Variants in PTPRG observed in about 807,000 individuals in gnomAD.
The protein encoded by PTPRG is receptor-type tyrosine-protein phosphatase gamma.
PTPRG carries 102 observed loss-of-function variants against 165.3 expected under a neutral mutation model. The observed-to-expected ratio is 0.62, with a 90% CI of 0.53 to 0.73. PTPRG has a LOEUF of 0.73. PTPRG is among the 30% of genes least tolerant of loss of function. The pLI is 0.00. For synonymous variants in PTPRG, 675 were observed against 669.5 expected, an observed-to-expected ratio of 1.01 and a Z score of -0.13; for missense variants, 1,866 against 1,861.4, an observed-to-expected ratio of 1.00 and a Z score of -0.05.
intron 5 of PTPRG, among the ~76,000 whole-genome samples, chr3:62,086,497 C>G (rs533643019): frequency 4.6e-5 from 7 of 152,266 alleles, no homozygotes; most frequent in Middle Eastern, 3.4e-3. Context: ...CCTTCTTAGA[C>G]TGCTTTACAA....
intron 1 of PTPRG, among the ~76,000 whole-genome samples, chr3:61,656,657 G>T (rs538757762): frequency 1.3e-5 from 2 of 152,354 alleles, no homozygotes; most frequent in Admixed American, 6.5e-5. Flanking sequence ...TGATGGGTCT[G>T]TTGGGATTCT....
At chr3:61,849,576 G>T (rs1431769012) in intron 2 of PTPRG, among the ~76,000 whole-genome samples, 1 of 152,198 alleles carries the variant, frequency 6.6e-6, no homozygotes, top group Non-Finnish European at 1.5e-5. Context: ...ATTAGTGAGA[G>T]AATGTGATGA....
intron 6 of PTPRG, among the ~76,000 whole-genome samples, chr3:62,137,047 G>A (rs1703735766): frequency 6.6e-6 from 1 of 152,174 alleles, no homozygotes. Context: ...AATATAAATA[G>A]AATGGAGTGA....
intron 2 of PTPRG, among the ~76,000 whole-genome samples, chr3:61,861,601 A>G (rs1253080136): frequency 6.6e-6 from 1 of 152,212 alleles, no homozygotes. Flanking sequence ...GCTATTGGCA[A>G]AGTAATTTTC....
intron 2 of PTPRG, among the ~76,000 whole-genome samples, chr3:61,835,860 G>A (rs542270551): frequency 1.3e-5 from 2 of 151,650 alleles, no homozygotes; most frequent in South Asian, 4.2e-4. Flanking sequence ...GGGCAACATG[G>A]TGAAACCCCA....
chr3:61,787,051 C>T (rs1284311226), intron 2 of PTPRG, among the ~76,000 whole-genome samples: 2 of 152,026 alleles, frequency 1.3e-5, no homozygotes, highest in East Asian at 1.9e-4. Context: ...CTCCTCATAA[C>T]GTAGGCTAAA....
rs1236622244 is a variant in PTPRG at position 62,276,050 on chromosome 3, T to G, written c.3559+84T>G. 3 of 964,148 alleles carry G rather than the reference T, an allele frequency of 3.1e-6. No homozygotes were observed. In the Middle Eastern group the frequency reaches 6.5e-4, roughly 209 times the overall value. The allele number at this position is 964,148 out of a possible 1,614,324, so 59.7% of individuals were successfully genotyped here. On this transcript the variant is annotated intron_variant, in intron 24 of 29. Coordinates refer to ENST00000474889, the MANE Select transcript of PTPRG (RefSeq NM_002841.4). ...GAGGCAGCCACTACTCTGATGCTAT[T>G]GATAGCACCCTTCAATTGTACTGTA...
chr3:62,234,940 C>T (rs1433605979), intron 14 of PTPRG, among the ~76,000 whole-genome samples: 2 of 150,780 alleles, frequency 1.3e-5, no homozygotes, highest in Admixed American at 1.3e-4. Flanking sequence ...TCTACTTCCC[C>T]CCCCCGAGAT....
chr3:61,585,238 G>A (rs886216398), intron 1 of PTPRG, among the ~76,000 whole-genome samples: 2 of 145,294 alleles, frequency 1.4e-5, no homozygotes, highest in Non-Finnish European at 3.0e-5. Flanking sequence ...CCAAGATTGC[G>A]CCACTGCACT....
intron 4 of PTPRG, among the ~76,000 whole-genome samples, chr3:62,063,417 T>C (rs1012250633): frequency 2.0e-5 from 3 of 152,218 alleles, no homozygotes; most frequent in Non-Finnish European, 2.9e-5. Flanking sequence ...AAGACGTGCT[T>C]TGCTGAGCTT....
intron 5 of PTPRG, among the ~76,000 whole-genome samples, chr3:62,096,565 G>A (rs1702127320): frequency 6.6e-6 from 1 of 152,178 alleles, no homozygotes; most frequent in African/African-American, 2.4e-5. Context: ...TTTGCCATGT[G>A]TTATCTCTGC....
At chr3:61,757,715 G>C (rs191170298) in intron 2 of PTPRG, among the ~76,000 whole-genome samples, 19 of 152,270 alleles carry the variant, frequency 1.2e-4, no homozygotes, top group Admixed American at 1.2e-3. Context: ...AATTTATTGT[G>C]TCAACACAAG....
chr3:61,932,130 T>C (rs1315450623), intron 2 of PTPRG, among the ~76,000 whole-genome samples: 1 of 152,250 alleles, frequency 6.6e-6, no homozygotes, highest in East Asian at 1.9e-4. Flanking sequence ...AGGTCAATTA[T>C]ATATCTACCA....
At chr3:61,725,710 CT>C (rs10581346) in intron 1 of PTPRG, among the ~76,000 whole-genome samples, 25,948 of 137,126 alleles carry the variant, frequency 0.19, 3,025 homozygotes, top group East Asian at 0.48. Flanking sequence ...CTACCCCCAC[CT>C]TTTTTTTTTT....
At position 61,725,173 on chromosome 3, in the gene PTPRG, T is replaced by C. The variant is rs79643296; in HGVS notation, c.86-23705T>C. On this transcript the variant is annotated intron_variant, in intron 1 of 29. Coordinates refer to ENST00000474889, the MANE Select transcript of PTPRG (RefSeq NM_002841.4). ...GTAAGTTGTGAGATTTACGTTGAGATACGCTTTTTTTTGGGACAGAATCTT... is the reference window on the plus strand; with the variant it reads ...GTAAGTTGTGAGATTTACGTTGAGACACGCTTTTTTTTGGGACAGAATCTT... 1.8e-3 allele frequency among the ~76,000 whole-genome samples: 277 copies of C among 152,270 alleles called. 1 individual carries two copies. The highest frequency in any genetic ancestry group is 6.5e-3 in the African/African-American group (272 of 41,560).
At chr3:62,098,620 T>A (rs949969435) in intron 5 of PTPRG, among the ~76,000 whole-genome samples, 4 of 152,222 alleles carry the variant, frequency 2.6e-5, no homozygotes, top group Non-Finnish European at 4.4e-5. Context: ...CAAGGTCACA[T>A]GGCTGGAACT....
intron 5 of PTPRG, among the ~76,000 whole-genome samples, chr3:62,088,042 A>G (rs1424501647): frequency 1.3e-5 from 2 of 152,192 alleles, no homozygotes; most frequent in African/African-American, 4.8e-5. Flanking sequence ...GAATGGGGTA[A>G]AGATTTGAAC....
At chr3:61,869,894 C>A (rs1237666907) in intron 2 of PTPRG, among the ~76,000 whole-genome samples, 1 of 152,154 alleles carries the variant, frequency 6.6e-6, no homozygotes, top group Admixed American at 6.5e-5. Context: ...AGCCACTGCA[C>A]CTGGTCCTGG....
intron 28 of PTPRG, among the ~76,000 whole-genome samples, chr3:62,290,855 G>C (rs529108523): frequency 2.6e-5 from 4 of 152,196 alleles, no homozygotes; most frequent in African/African-American, 9.6e-5. Context: ...TACAAGGTTA[G>C]AGAAAGCATT....
Sources: allele counts gnomAD v4.1 joint callset (sites outside exome capture counted in the v4.1 genomes callset), GRCh38; gene constraint gnomAD v4.1.1; transcripts MANE v1.5; gene names NCBI Gene and HGNC (gene_info 2026-07-23, HGNC 2026-07-21).